Variants in SMARCC2 observed in about 807,000 individuals in gnomAD.
The protein encoded by SMARCC2 is SWI/SNF complex subunit SMARCC2.
A neutral mutation model predicts 151.3 loss-of-function variants in SMARCC2; 15 were observed. That is an observed-to-expected ratio of 0.10 (90% confidence interval 0.07 to 0.15). The LOEUF is 0.15. SMARCC2 is among the 10% of genes least tolerant of loss of function. The pLI, the probability that SMARCC2 is intolerant of heterozygous loss-of-function variation, is 1.00. For missense variants in SMARCC2, 1,031 were observed against 1,599.7 expected (o/e 0.64, Z 6.06); for synonymous variants, 590 against 609.5 (o/e 0.97, Z 0.47).
chr12:56,170,152 CCTT>C lies in SMARCC2; in HGVS notation c.2401_2403del (p.Lys801del), dbSNP rs368938279. 58 of 1,613,312 alleles carry C rather than the reference CCTT, an allele frequency of 3.6e-5. No individual in the cohort carries two copies. In the East Asian group the frequency reaches 6.2e-4, roughly 17 times the overall value. On this transcript the variant is annotated inframe_deletion, in exon 23 of 29. Transcript: ENST00000550164. ...CAGAAATCCCTCTATACCTTGGGCT[CCTT>C]CTTCTCATCTGTGGCCTGGCCTTCC...
Position 56,168,052 on chromosome 12 carries a change from C to A in SMARCC2, c.2850+8G>T. The stretch of plus-strand genomic sequence containing the variant: ...GCGCAGCAGGGTTCCAGGGCTCCTG[C>A]TACTCACTGCTTCTCGCTCCCGGTC... On this transcript the variant is annotated splice_region_variant and intron_variant, in intron 26 of 28. Coordinates refer to ENST00000550164, the MANE Select transcript of SMARCC2 (RefSeq NM_001330288.2). 1.2e-6 allele frequency: 2 copies of A among 1,612,492 alleles called. No homozygotes were observed. Among genetic ancestry groups the A allele is most frequent in the African/African-American group, 1.3e-5 (1 of 74,388 alleles).
chr12:56,163,408 G>T lies in SMARCC2; in HGVS notation c.*281C>A. ...CCTTAGAAGTGGTTAATAGAACCTT[G>T]TATAAACACCTTTCACCAGCCCTTC... On this transcript the variant is annotated 3_prime_UTR_variant, in exon 29 of 29. Transcript: ENST00000550164. 4.2e-6 allele frequency: 1 copy of T among 238,762 alleles called. No individual in the cohort carries two copies. The highest frequency in any genetic ancestry group is 8.0e-6 in the Non-Finnish European group (1 of 125,386). 14.8% of individuals were successfully genotyped at this position (238,762 alleles called of 1,614,324 possible).
At chr12:56,186,820 T>C (rs1877354540) in intron 2 of SMARCC2, 2 of 190,346 alleles carry the variant, frequency 1.1e-5, no homozygotes, top group Non-Finnish European at 2.2e-5. Context: ...CATCTAGAGA[T>C]GAAGGAACCA....
intron 15 of SMARCC2, among the ~76,000 whole-genome samples, chr12:56,176,857 T>C (rs1454444718): frequency 6.7e-6 from 1 of 150,070 alleles, no homozygotes; most frequent in East Asian, 1.9e-4. Context: ...GTTTCACTCT[T>C]GTTGCCCAGG....
intron 15 of SMARCC2, among the ~76,000 whole-genome samples, chr12:56,176,790 G>A (rs1219789516): frequency 6.6e-6 from 1 of 151,904 alleles, no homozygotes; most frequent in Non-Finnish European, 1.5e-5. Context: ...ACAGATGCAT[G>A]CCACCACGCC....
chr12:56,189,099 C>T (rs1286189010), intron 1 of SMARCC2, among the ~76,000 whole-genome samples: 1 of 135,582 alleles, frequency 7.4e-6, no homozygotes, highest in African/African-American at 2.7e-5. Context: ...CGGGGCCCGC[C>T]GGGCAGTAGA....
intron 1 of SMARCC2, among the ~76,000 whole-genome samples, chr12:56,188,762 T>C (rs1056979622): frequency 6.6e-6 from 1 of 152,156 alleles, no homozygotes; most frequent in Non-Finnish European, 1.5e-5. Context: ...CCCGGCTCCC[T>C]GAGAGATTCT....
intron 22 of SMARCC2, among the ~76,000 whole-genome samples, chr12:56,170,889 C>A (rs146714474): frequency 6.6e-6 from 1 of 151,918 alleles, no homozygotes; most frequent in Non-Finnish European, 1.5e-5. Context: ...CGTGCCACCA[C>A]GCCCAGCTAA....
In SMARCC2 at chr12:56,164,576, A is replaced by G. The variant is rs1395934384; in HGVS notation, c.3388T>C (p.Phe1130Leu). The G allele has an allele frequency of 6.2e-7, 1 of 1,614,090 alleles. No homozygotes were observed. The highest frequency in any genetic ancestry group is 8.5e-7 in the Non-Finnish European group (1 of 1,179,980). The change falls in exon 28 of 29, where the codon TTT (phenylalanine) becomes CTT (leucine). Residue 1130 changes from phenylalanine (F) to leucine (L), a missense_variant. Transcript: ENST00000550164. Reference protein sequence around the residue: ...PPPPAPSIIPFGSLADSISIN... With the variant: ...PPPPAPSIIPLGSLADSISIN... ...CTGATGGAGTCAGCTAGACTACCAA[A>G]TGGGATGATGGATGGAGCAGGAGGA... is the stretch of plus-strand genomic sequence containing the variant.
intron 5 of SMARCC2, 84 bp from the exon 6 acceptor site, chr12:56,184,328 T>C (rs2135747234): frequency 2.1e-6 from 2 of 952,770 alleles, no homozygotes; most frequent in Non-Finnish European, 3.3e-6. Flanking sequence ...TTCCTAACCA[T>C]ATTTTGCTTA....
At chr12:56,172,088 G>T in intron 20 of SMARCC2, 151 bp from the exon 21 acceptor site, 1 of 663,912 alleles carries the variant, frequency 1.5e-6, no homozygotes, top group Non-Finnish European at 2.5e-6. Flanking sequence ...TCTTGAAGTA[G>T]CACTAAGAAA....
At position 56,181,036 on chromosome 12, in the gene SMARCC2, T is replaced by C. The variant is rs768178089; in HGVS notation, c.1022A>G (p.Lys341Arg). 4 of 1,613,898 alleles carry C rather than the reference T, an allele frequency of 2.5e-6. 1 individual carries two copies. The South Asian group carries it at 3.3e-5, about 13-fold the overall frequency. The change falls in exon 11 of 29, where the codon AAG becomes AGG. Residue 341 changes from lysine to arginine, a missense_variant. Physicochemically the swap from Lys to Arg is conservative, Grantham distance 26. Around this residue, in one of 12 missense-constraint regions of SMARCC2, gnomAD observed 127 missense variants for 141.7 expected, o/e 0.90. Coordinates refer to ENST00000550164, the MANE Select transcript of SMARCC2 (RefSeq NM_001330288.2). ...HREEEQEDLT[K>R]DMDEPSPVPN... ...GACTGGTGAGGGCTCGTCCATGTCC[T>C]TTGTCAGGTCTTCTTGCTCCTCTTC...
chr12:56,188,408 G>A (rs61939011), intron 1 of SMARCC2, among the ~76,000 whole-genome samples: 6,115 of 152,280 alleles, frequency 0.04, 163 homozygotes, highest in Non-Finnish European at 0.061. Flanking sequence ...CTGCAAAGCC[G>A]GCAGGAAGAA....
At chr12:56,174,916 A>G (rs528392118) in intron 15 of SMARCC2, 152 bp from the exon 16 acceptor site, 6 of 580,212 alleles carry the variant, frequency 1.0e-5, no homozygotes, top group Non-Finnish European at 1.9e-5. Context: ...AGTGCCTGCT[A>G]TGTGCTAGAT....
At chr12:56,167,403 A>G (rs1873006225) in intron 26 of SMARCC2, among the ~76,000 whole-genome samples, 1 of 152,176 alleles carries the variant, frequency 6.6e-6, no homozygotes. Flanking sequence ...AGATCTCACT[A>G]TGTTACCCAG....
rs570836948 is a variant in SMARCC2 at position 56,171,399 on chromosome 12, G to A, written c.2219C>T (p.Thr740Met). 57 of 1,614,212 alleles carry A rather than the reference G, an allele frequency of 3.5e-5. 1 individual carries two copies. The East Asian group carries it at 5.8e-4, about 16-fold the overall frequency. Residue 740 changes from threonine (T) to methionine (M), a missense_variant, in exon 22 of 29, where the codon ACG becomes ATG. By Grantham distance (81) the Thr-to-Met change is moderately conservative. This residue lies in a region of SMARCC2 where 119 missense variants were observed against 184.2 expected (regional missense o/e 0.65). Coordinates refer to ENST00000550164, the MANE Select transcript of SMARCC2 (RefSeq NM_001330288.2). This position sits in a 1 kb window ranked among gnomAD's most constrained non-coding sequence, Gnocchi z 4.2. ...EFSKMKEEVP[T>M]ALVEAHVRKV... ...TCGAACATGGGCCTCCACCAAGGCC[G>A]TGGGTACCTCTTCCTTCATTTTGGA...
At chr12:56,188,033 T>A (rs1877596717) in intron 1 of SMARCC2, among the ~76,000 whole-genome samples, 1 of 152,206 alleles carries the variant, frequency 6.6e-6, no homozygotes, top group Admixed American at 6.5e-5. Context: ...ACTTTCTTTT[T>A]ACTTTTTGAC....
rs781151522 is a variant in SMARCC2, at chr12:56,162,595, G to A, written c.*1094C>T. 3.9e-5 allele frequency: 16 copies of A among 415,030 alleles called. No homozygotes were observed. The highest frequency in any genetic ancestry group is 6.5e-4 in the Middle Eastern group (1 of 1,540). 25.7% of individuals were successfully genotyped at this position (415,030 alleles called of 1,614,324 possible). On this transcript the variant is annotated 3_prime_UTR_variant, in exon 29 of 29. Coordinates refer to ENST00000550164, the MANE Select transcript of SMARCC2 (RefSeq NM_001330288.2). Reference sequence around the variant, plus strand: ...GCTGGGACACGTGGAGCAGGAATGCGGGAAGCAGAGTTGAGCTGCGAGCCA... The same window carrying A: ...GCTGGGACACGTGGAGCAGGAATGCAGGAAGCAGAGTTGAGCTGCGAGCCA...
chr12:56,184,168 G>T lies in SMARCC2; in HGVS notation c.562+7C>A, dbSNP rs1321194975. On this transcript the variant is annotated splice_region_variant and intron_variant, in intron 6 of 28. Transcript: ENST00000550164. ...CACTCAAGTGGACAGGAAAACCCAG[G>T]TCTCACCTTCTTCTAGATTCCCCGG... The T allele has an allele frequency of 1.9e-6, 3 of 1,609,870 alleles. No individual in the cohort carries two copies. The Admixed American group carries it at 5.0e-5, about 27-fold the overall frequency.
Sources: allele counts gnomAD v4.1 joint callset (sites outside exome capture counted in the v4.1 genomes callset), GRCh38; gene constraint gnomAD v4.1.1; regional missense constraint gnomAD v4.1.1; non-coding constraint Gnocchi (gnomAD v3.1); transcripts MANE v1.5; gene names NCBI Gene and HGNC (gene_info 2026-07-23, HGNC 2026-07-21).